CDH18: variants seen among roughly 807,000 people sequenced by gnomAD.
CDH18 encodes cadherin-18.
Under a neutral mutation model 67.9 loss-of-function variants are expected in CDH18, and 31 were observed. The ratio of observed to expected loss-of-function variants is 0.46; its 90% confidence interval spans 0.34 to 0.62. CDH18 has a LOEUF of 0.62. Among genes scored for constraint, CDH18 ranks in the 20% least tolerant of loss-of-function variants. The pLI is 0.01. For synonymous variants in CDH18, 362 were observed against 347.2 expected (o/e 1.04, Z -0.48); for missense variants, 890 against 975.5 (o/e 0.91, Z 1.17).
intron 2 of CDH18, among the ~76,000 whole-genome samples, chr5:20,056,932 G>C (rs1399040870): frequency 2.0e-5 from 3 of 151,778 alleles, no homozygotes. Flanking sequence ...TGATCAGCCC[G>C]TCTCGGCCTC....
chr5:19,919,215 C>A (rs1242225046), intron 2 of CDH18, among the ~76,000 whole-genome samples: 1 of 152,150 alleles, frequency 6.6e-6, no homozygotes, highest in Non-Finnish European at 1.5e-5. Context: ...CCCAGCCAGG[C>A]CTGCCCTGTG....
In CDH18 at chr5:19,850,472, G is replaced by A. The variant is rs1394766285; in HGVS notation, c.-256-11230C>T. ...ACCAGCTTAGAAAAATCAAAGTCAT[G>A]CATATTCAAATGTCTTCTAATAGCC... On this transcript the variant is annotated intron_variant, in intron 2 of 12. Coordinates refer to ENST00000382275, the MANE Select transcript of CDH18 (RefSeq NM_004934.5). 2.0e-5 allele frequency among the ~76,000 whole-genome samples: 3 copies of A among 151,756 alleles called. No homozygotes were observed. The East Asian group carries it at 5.8e-4, about 29-fold the overall frequency.
chr5:20,565,045 C>G (rs1758421905), intron 1 of CDH18, among the ~76,000 whole-genome samples: 1 of 152,146 alleles, frequency 6.6e-6, no homozygotes, highest in Non-Finnish European at 1.5e-5. Flanking sequence ...CATATTTTTT[C>G]TCTTTCATGT....
intron 2 of CDH18, among the ~76,000 whole-genome samples, chr5:20,064,245 G>A (rs1391889928): frequency 6.6e-6 from 1 of 152,068 alleles, no homozygotes; most frequent in African/African-American, 2.4e-5. Context: ...AAAACACCAT[G>A]GTTGAAAGTT....
chr5:20,307,390 A>C (rs1363083269), intron 1 of CDH18, among the ~76,000 whole-genome samples: 1 of 152,180 alleles, frequency 6.6e-6, no homozygotes, highest in Non-Finnish European at 1.5e-5. Flanking sequence ...AGGGGAAGAC[A>C]ATAGATTTAC....
chr5:19,967,344 AT>A (rs1291373333), intron 2 of CDH18, among the ~76,000 whole-genome samples: 3 of 152,112 alleles, frequency 2.0e-5, no homozygotes, highest in Non-Finnish European at 4.4e-5. Context: ...AATTAGAAAA[AT>A]ATAGAAGATT....
chr5:20,404,101 T>C (rs1221468812), intron 1 of CDH18, among the ~76,000 whole-genome samples: 3 of 152,204 alleles, frequency 2.0e-5, no homozygotes, highest in Non-Finnish European at 4.4e-5. Flanking sequence ...CAACTTTTCT[T>C]CTGCTGCTTT....
At chr5:20,519,043 C>G (rs1357675098) in intron 1 of CDH18, among the ~76,000 whole-genome samples, 1 of 151,956 alleles carries the variant, frequency 6.6e-6, no homozygotes, top group South Asian at 2.1e-4. Flanking sequence ...TGCTCAATAC[C>G]CCCAGCCTGG....
rs190617570 is a variant in CDH18, at chr5:19,641,958, C to A, written c.644-29357G>T. Among the ~76,000 whole-genome samples the A allele has an allele frequency of 2.6e-3, 391 of 151,720 alleles. 1 individual carries two copies. The highest frequency in any genetic ancestry group is 3.7e-3 in the African/African-American group (153 of 41,420). On this transcript the variant is annotated intron_variant, in intron 5 of 12. Transcript: ENST00000382275. ...TAGAGGTACTAAACAACAACAACAACAAAAAAACCTGTTGGAAATAATAAA... is the reference window on the plus strand; with the variant it reads ...TAGAGGTACTAAACAACAACAACAAAAAAAAAACCTGTTGGAAATAATAAA...
At chr5:20,479,707 C>T (rs913515657) in intron 1 of CDH18, among the ~76,000 whole-genome samples, 6 of 151,720 alleles carry the variant, frequency 4.0e-5, no homozygotes, top group African/African-American at 9.7e-5. Flanking sequence ...GAGAGAGAGA[C>T]GGGGGTAGAA....
chr5:19,808,823 A>T (rs1778322081), intron 3 of CDH18, among the ~76,000 whole-genome samples: 1 of 130,294 alleles, frequency 7.7e-6, no homozygotes, highest in Admixed American at 9.0e-5. Context: ...CAAGAGCGAA[A>T]CTCTGTCTCA....
Position 20,193,726 on chromosome 5 carries a change from G to T in CDH18, c.-518+61718C>A, listed in dbSNP as rs1301786865. 3.3e-5 allele frequency among the ~76,000 whole-genome samples: 5 copies of T among 152,092 alleles called. No homozygotes were observed. The East Asian group carries it at 9.7e-4, about 29-fold the overall frequency. ...ATAAAATACTGGCAAACTGAATCCA[G>T]CAGCACATCAAAAAACTTATCCACC... On this transcript the variant is annotated intron_variant, in intron 2 of 14. Transcript: ENST00000507958.
chr5:19,831,409 G>A (rs1312192033), intron 3 of CDH18, among the ~76,000 whole-genome samples: 2 of 151,420 alleles, frequency 1.3e-5, no homozygotes, highest in South Asian at 4.2e-4. Flanking sequence ...AGGAACATAA[G>A]AGAAAAAGCA....
At chr5:20,572,067 G>A (rs1353629672) in intron 1 of CDH18, among the ~76,000 whole-genome samples, 4 of 151,962 alleles carry the variant, frequency 2.6e-5, no homozygotes, top group East Asian at 1.9e-4. Flanking sequence ...CTTTCTTCCC[G>A]TAATACACCC....
chr5:19,743,582 T>C (rs1368422912), intron 4 of CDH18, among the ~76,000 whole-genome samples: 1 of 152,160 alleles, frequency 6.6e-6, no homozygotes, highest in Non-Finnish European at 1.5e-5. Flanking sequence ...CCCCCTGCCA[T>C]TGTCTGCAGA....
intron 5 of CDH18, among the ~76,000 whole-genome samples, chr5:19,720,670 A>G (rs1461066164): frequency 6.6e-6 from 1 of 152,150 alleles, no homozygotes; most frequent in Non-Finnish European, 1.5e-5. Context: ...ATATAATGTC[A>G]TATGATATGA....
At chr5:19,532,709 G>A (rs1007688493) in intron 9 of CDH18, among the ~76,000 whole-genome samples, 2 of 152,190 alleles carry the variant, frequency 1.3e-5, no homozygotes, top group Non-Finnish European at 2.9e-5. Flanking sequence ...AATACCCCAG[G>A]TAAGGGGTGA....
At chr5:20,068,619 T>A (rs906524470) in intron 2 of CDH18, among the ~76,000 whole-genome samples, 2 of 152,282 alleles carry the variant, frequency 1.3e-5, no homozygotes, top group African/African-American at 4.8e-5. Context: ...GTTTTCAATA[T>A]GTTTATATTT....
chr5:19,741,192 A>G (rs547997840), intron 4 of CDH18, among the ~76,000 whole-genome samples: 18 of 149,446 alleles, frequency 1.2e-4, no homozygotes, highest in African/African-American at 3.9e-4. Flanking sequence ...TCATCTATGT[A>G]TATATGTATA....
Sources: gnomAD v4.1 joint callset for allele counts (sites outside exome capture counted in the v4.1 genomes callset) on GRCh38, gnomAD v4.1.1 for gene constraint, MANE v1.5 for transcripts, NCBI Gene and HGNC (gene_info 2026-07-23, HGNC 2026-07-21) for gene names.